Variants in LONP2 observed in about 807,000 individuals in gnomAD.
LONP2 encodes the protein lon protease homolog 2, peroxisomal.
Under a neutral mutation model 85.6 loss-of-function variants are expected in LONP2, and 60 were observed. The observed-to-expected ratio is 0.70, with a 90% CI of 0.57 to 0.87. The LOEUF (loss-of-function observed/expected upper bound fraction) is 0.87, where lower values mean the gene tolerates loss of function less well. Among genes scored for constraint, LONP2 ranks in the 40% least tolerant of loss-of-function variants. The probability of loss-of-function intolerance (pLI) is 0.00; values close to 1 mark genes in which losing one functional copy is unlikely to be tolerated. For synonymous variants in LONP2, 395 were observed against 389.7 expected (o/e 1.01, Z -0.16); for missense variants, 860 against 1,063.5 (o/e 0.81, Z 2.66).
chr16:48,270,505 A>G (rs566685177), intron 7 of LONP2, among the ~76,000 whole-genome samples: 9 of 152,200 alleles, frequency 5.9e-5, no homozygotes, highest in Admixed American at 6.5e-5. Context: ...CTGTGCCTCA[A>G]CTTTCCTGGA....
rs546205803 is a variant in LONP2, at chr16:48,342,024, C to T, written c.1939-5483C>T. Among the ~76,000 whole-genome samples the T allele has an allele frequency of 5.9e-5, 9 of 152,226 alleles. No homozygotes were observed. The East Asian group carries it at 1.5e-3, about 26-fold the overall frequency. On this transcript the variant is annotated intron_variant, in intron 12 of 14. Transcript: ENST00000285737. Reference sequence around the variant, plus strand: ...CTGCATGGAAAGAGTAGGTCACTGCCGGAAATCAGGCTAGTTTTAGCAAAA... The same window carrying T: ...CTGCATGGAAAGAGTAGGTCACTGCTGGAAATCAGGCTAGTTTTAGCAAAA...
chr16:48,321,936 AT>A (rs964390893), intron 11 of LONP2, among the ~76,000 whole-genome samples: 23 of 149,968 alleles, frequency 1.5e-4, no homozygotes, highest in Admixed American at 3.3e-4. Flanking sequence ...GTATTTTTTA[AT>A]TTTTTTCTTT....
chr16:48,307,463 T>C (rs1357806130), intron 11 of LONP2, among the ~76,000 whole-genome samples: 1 of 152,230 alleles, frequency 6.6e-6, no homozygotes, highest in African/African-American at 2.4e-5. Context: ...TTTGTTTAAG[T>C]ACCCATGTAT....
At chr16:48,329,343 C>T (rs138998676) in intron 11 of LONP2, among the ~76,000 whole-genome samples, 1,982 of 152,282 alleles carry the variant, frequency 0.013, 17 homozygotes, top group Non-Finnish European at 0.019. Context: ...GGAAGCCTCT[C>T]TTTGTCCAGC....
chr16:48,297,712 T>G (rs1241320414), intron 9 of LONP2, among the ~76,000 whole-genome samples: 3 of 152,076 alleles, frequency 2.0e-5, no homozygotes, highest in South Asian at 2.1e-4. Context: ...CTGTTTGTTT[T>G]TTTTTTGAGA....
intron 2 of LONP2, among the ~76,000 whole-genome samples, chr16:48,252,996 G>A (rs1971685792): frequency 6.6e-6 from 1 of 152,040 alleles, no homozygotes; most frequent in Non-Finnish European, 1.5e-5. Flanking sequence ...TTTTCTATTA[G>A]TTTAATCCAG....
At chr16:48,330,577 C>T (rs112567530) in intron 11 of LONP2, among the ~76,000 whole-genome samples, 1,676 of 152,174 alleles carry the variant, frequency 0.011, 17 homozygotes, top group South Asian at 0.03. Context: ...TGTGAGATGA[C>T]ATTTTGCTTG....
intron 1 of LONP2, among the ~76,000 whole-genome samples, chr16:48,248,791 A>C (rs1387703957): frequency 1.3e-5 from 2 of 150,300 alleles, no homozygotes; most frequent in Non-Finnish European, 3.0e-5. Flanking sequence ...GCTGAGGCGG[A>C]GGATTACTTG....
At chr16:48,330,156 C>T (rs756918719) in intron 11 of LONP2, among the ~76,000 whole-genome samples, 3 of 152,172 alleles carry the variant, frequency 2.0e-5, no homozygotes, top group Non-Finnish European at 4.4e-5. Flanking sequence ...ATTTTGGTAA[C>T]CGGCTTGTTT....
rs753206908 is a variant in LONP2, at chr16:48,347,673, G to A, written c.2105G>A (p.Ser702Asn). ...VMKESAHLAI[S>N]WLRSNAKKYQ... is the part of the protein sequence containing the mutation. ...AAGGAGTCCGCCCACCTCGCTATCA[G>A]CTGGCTCCGCAGCAACGCAAAGAAG... Residue 702 changes from serine to asparagine, a missense_variant, in exon 13 of 15, where the codon AGC becomes AAC. Physicochemically the swap from Ser to Asn is conservative, Grantham distance 46. Around this residue, in one of 3 missense-constraint regions of LONP2, gnomAD observed 743 missense variants for 917.3 expected, o/e 0.81. Coordinates refer to ENST00000285737, the MANE Select transcript of LONP2 (RefSeq NM_031490.5). 1 of 1,614,130 alleles carries A rather than the reference G, an allele frequency of 6.2e-7. No individual in the cohort carries two copies. Among genetic ancestry groups the A allele is most frequent in the East Asian group, 2.2e-5 (1 of 44,882 alleles).
In LONP2 at chr16:48,252,368, A is replaced by G. The variant is rs1269139740; in HGVS notation, c.468+3A>G. Reference sequence around the variant, plus strand: ...AGTTTTACAAATATGCAGTACAAGTAAGTTGCTTTTATTTTTTCTTAAAAC... The same window carrying G: ...AGTTTTACAAATATGCAGTACAAGTGAGTTGCTTTTATTTTTTCTTAAAAC... On this transcript the variant is annotated splice_donor_region_variant and intron_variant, in intron 2 of 14. Coordinates refer to ENST00000285737, the MANE Select transcript of LONP2 (RefSeq NM_031490.5). 1.3e-6 allele frequency: 2 copies of G among 1,548,698 alleles called. No homozygotes were observed. Among genetic ancestry groups the G allele is most frequent in the Non-Finnish European group, 8.7e-7 (1 of 1,147,022 alleles).
At chr16:48,341,884 G>A (rs943650805) in intron 12 of LONP2, among the ~76,000 whole-genome samples, 6 of 152,162 alleles carry the variant, frequency 3.9e-5, no homozygotes, top group East Asian at 1.9e-4. Context: ...GAACTGCCCC[G>A]AATCCGAGGA....
chr16:48,301,848 C>G (rs1467030111), intron 10 of LONP2, among the ~76,000 whole-genome samples: 1 of 152,226 alleles, frequency 6.6e-6, no homozygotes, highest in Non-Finnish European at 1.5e-5. Context: ...GTGCTGCACA[C>G]TAAGTGTTCT....
chr16:48,248,883 A>AG lies in LONP2; in HGVS notation c.234-3246dup, dbSNP rs755275281. On this transcript the variant is annotated intron_variant, in intron 1 of 14. Transcript: ENST00000285737. ...GGTGACAGAGCAAGATTCTGTCTAT[A>AG]GGAAAAAAAAAAAAAAAAAAAGCAA... 4.0e-3 allele frequency among the ~76,000 whole-genome samples: 573 copies of AG among 141,912 alleles called. 3 individuals carry two copies. Among genetic ancestry groups the AG allele is most frequent in the Non-Finnish European group, 5.4e-3 (354 of 65,494 alleles). 93.1% of individuals were successfully genotyped at this position (141,912 alleles called of 152,430 possible).
intron 8 of LONP2, among the ~76,000 whole-genome samples, chr16:48,287,576 C>T (rs1392940870): frequency 1.3e-5 from 2 of 152,196 alleles, no homozygotes; most frequent in Admixed American, 6.5e-5. Flanking sequence ...AGGGACAGTT[C>T]TCTGGGGATG....
In LONP2 at chr16:48,353,999, GT is replaced by G. The variant is rs58132632; in HGVS notation, c.*2207del. The G allele has an allele frequency of 5.6e-5, 7 of 124,558 alleles. No individual in the cohort carries two copies. The highest frequency in any genetic ancestry group is 2.6e-4 in the South Asian group (1 of 3,788). 7.7% of individuals were successfully genotyped at this position (124,558 alleles called of 1,614,324 possible). A position where few individuals can be genotyped will look rare whatever the true frequency, so the allele number is the denominator to read the frequency against. On this transcript the variant is annotated 3_prime_UTR_variant, in exon 15 of 15. Transcript: ENST00000285737. ...ACTAGCTTTGTTTTTGGTTTGTTTT[GT>G]TTTTTTTTTAATTCCAGGGGTGGGA...
intron 11 of LONP2, among the ~76,000 whole-genome samples, chr16:48,325,716 A>C (rs1193068532): frequency 6.6e-6 from 1 of 152,258 alleles, no homozygotes; most frequent in Non-Finnish European, 1.5e-5. Flanking sequence ...GTGCTGCAAC[A>C]AACATGGAAG....
At chr16:48,358,270 A>ACAGTTTTCCT (rs1472539538), downstream of LONP2, among the ~76,000 whole-genome samples, 31 of 152,230 alleles carry the variant, frequency 2.0e-4, no homozygotes, top group African/African-American at 4.8e-5. Context: ...TCACACAGTT[A>ACAGTTTTCCT]CTGGTGTCCT....
In LONP2 at chr16:48,351,648, G is replaced by C; in HGVS notation, c.2405G>C (p.Arg802Pro). Residue 802 changes from arginine to proline, a missense_variant, in exon 15 of 15, where the codon CGG becomes CCG. Arg to Pro is a moderately radical substitution (Grantham distance 103, BLOSUM62 -2). Around this residue, in one of 3 missense-constraint regions of LONP2, gnomAD observed 115 missense variants for 129.0 expected, o/e 0.89. Transcript: ENST00000285737. Reference sequence around the variant, plus strand: ...GGACTGAAGCAAGTCATTATTCCTCGGAGAAATGAAAAAGACCTTGAGGGA... The same window carrying C: ...GGACTGAAGCAAGTCATTATTCCTCCGAGAAATGAAAAAGACCTTGAGGGA... ...RAGLKQVIIP[R>P]RNEKDLEGIP... is the part of the protein sequence containing the mutation. 1 of 1,614,070 alleles carries C rather than the reference G, an allele frequency of 6.2e-7. No individual in the cohort carries two copies. The highest frequency in any genetic ancestry group is 8.5e-7 in the Non-Finnish European group (1 of 1,180,010).
Sources: gnomAD v4.1 joint callset for allele counts (sites outside exome capture counted in the v4.1 genomes callset) on GRCh38, gnomAD v4.1.1 for gene constraint, gnomAD v4.1.1 regional missense constraint, MANE v1.5 for transcripts, NCBI Gene and HGNC (gene_info 2026-07-23, HGNC 2026-07-21) for gene names.